Variants in PPARD observed in about 807,000 individuals in gnomAD.
PPARD encodes peroxisome proliferator-activated receptor delta.
Under a neutral mutation model 39.5 loss-of-function variants are expected in PPARD, and 6 were observed. The ratio of observed to expected loss-of-function variants is 0.15; its 90% CI spans 0.08 to 0.30. The LOEUF (loss-of-function observed/expected upper bound fraction) is 0.30, where lower values mean the gene tolerates loss of function less well. Ranked by LOEUF, PPARD falls within the 10% of genes least tolerant of loss-of-function variation. The pLI, the probability that PPARD is intolerant of heterozygous loss-of-function variation, is 1.00. For missense variants in PPARD, 397 were observed against 596.8 expected, an observed-to-expected ratio of 0.67 and a Z score of 3.49; for synonymous variants, 210 against 231.3, an observed-to-expected ratio of 0.91 and a Z score of 0.83.
intron 2 of PPARD, among the ~76,000 whole-genome samples, chr6:35,351,861 CTTTTTTTTTTTTTT>C (rs774957372): frequency 2.3e-5 from 2 of 87,366 alleles, no homozygotes; most frequent in African/African-American, 5.6e-5. Context: ...CACACCCAGC[CTTTTTTTTTTTTTT>C]TTTTTTTTTT....
rs550395452 is a variant in PPARD at position 35,419,466 on chromosome 6, C to T, written c.131-661C>T. Among the ~76,000 whole-genome samples, 5 of 152,298 alleles carry T rather than the reference C, an allele frequency of 3.3e-5. No individual in the cohort carries two copies. The South Asian group carries it at 8.3e-4, about 25-fold the overall frequency. ...ACACCCCGTGGTTCAAACATCTATA[C>T]GTCTGATAGAAAAACTTGGAGAAAT... is the stretch of plus-strand genomic sequence containing the variant. On this transcript the variant is annotated intron_variant, in intron 3 of 7. Transcript: ENST00000360694.
intron 2 of PPARD, among the ~76,000 whole-genome samples, chr6:35,374,502 T>TG (rs1318200537): frequency 5.2e-4 from 79 of 151,022 alleles, no homozygotes; most frequent in African/African-American, 1.7e-3. Flanking sequence ...CTAAAAAATA[T>TG]AAAAAATTAG....
chr6:35,397,827 C>T (rs1000080536), intron 2 of PPARD, among the ~76,000 whole-genome samples: 3 of 152,180 alleles, frequency 2.0e-5, no homozygotes, highest in Non-Finnish European at 2.9e-5. Context: ...GGGTGGACTA[C>T]GCATATTTGA....
intron 2 of PPARD, among the ~76,000 whole-genome samples, chr6:35,355,598 CT>C (rs1166499750): frequency 0.012 from 414 of 33,464 alleles, no homozygotes; most frequent in Non-Finnish European, 0.014. Context: ...TCTTCTTCTT[CT>C]TTTTTTTTTT....
At chr6:35,380,479 T>TG (rs1562190368) in intron 2 of PPARD, among the ~76,000 whole-genome samples, 16 of 94,408 alleles carry the variant, frequency 1.7e-4, no homozygotes, top group East Asian at 7.0e-4. Flanking sequence ...TTTGTTTGTT[T>TG]TTTTTTTTTT....
chr6:35,360,479 A>G (rs952511596), intron 2 of PPARD, among the ~76,000 whole-genome samples: 1 of 152,176 alleles, frequency 6.6e-6, no homozygotes, highest in African/African-American at 2.4e-5. Flanking sequence ...AAGGTGTAGG[A>G]TCAGAGAGGT....
intron 3 of PPARD, among the ~76,000 whole-genome samples, chr6:35,414,156 A>G (rs1248109991): frequency 2.0e-5 from 3 of 152,176 alleles, no homozygotes; most frequent in South Asian, 2.1e-4. Context: ...TGGTAGAGCC[A>G]TATGGTGGAA....
intron 2 of PPARD, among the ~76,000 whole-genome samples, chr6:35,372,669 A>G (rs1247511717): frequency 6.6e-6 from 1 of 152,222 alleles, no homozygotes; most frequent in Non-Finnish European, 1.5e-5. Context: ...GGCTAAGACA[A>G]TGGATTACAG....
chr6:35,407,500 T>C (rs1430185158), intron 2 of PPARD, among the ~76,000 whole-genome samples: 1 of 152,022 alleles, frequency 6.6e-6, no homozygotes, highest in Non-Finnish European at 1.5e-5. Context: ...GCTTTCAATC[T>C]GGTGGAGCAT....
intron 2 of PPARD, among the ~76,000 whole-genome samples, chr6:35,359,051 A>T (rs890870251): frequency 1.3e-5 from 2 of 152,184 alleles, no homozygotes; most frequent in African/African-American, 4.8e-5. Context: ...TTTAAGTGGA[A>T]AGAGGAGAGT....
rs1388342390 is a variant in PPARD at position 35,424,590 on chromosome 6, A to G, written c.889A>G (p.Ile297Val). 1.2e-6 allele frequency: 2 copies of G among 1,614,128 alleles called. No homozygotes were observed. The highest frequency in any genetic ancestry group is 1.7e-6 in the Non-Finnish European group (2 of 1,180,052). ...GGCCATCTTCGCCATGCTGGCCTCTATCGTCAACAAGGACGGGCTGCTGGT... is the reference window on the plus strand; with the variant it reads ...GGCCATCTTCGCCATGCTGGCCTCTGTCGTCAACAAGGACGGGCTGCTGGT... Reference protein sequence around the residue: ...HEAIFAMLASIVNKDGLLVAN... With the variant: ...HEAIFAMLASVVNKDGLLVAN... The change falls in exon 7 of 8, where the codon ATC (isoleucine) becomes GTC (valine). Residue 297 changes from isoleucine to valine, a missense_variant. Transcript: ENST00000360694. This position sits in a 1 kb window ranked among gnomAD's most constrained non-coding sequence, Gnocchi z 7.1.
rs1766059229 is a variant in PPARD, at chr6:35,420,278, C to T, written c.282C>T (p.Cys94=). ...ACGGTGTTCATGCATGTGAGGGGTG[C>T]AAGGTACGGACTGGGGGGAGCGGTG... The part of the protein sequence containing the change: ...FHYGVHACEG[C]KGFFRRTIRM... The change falls in exon 4 of 8, where the codon TGC becomes TGT. Residue 94 remains cysteine (C), a synonymous_variant. Coordinates refer to ENST00000360694, the MANE Select transcript of PPARD (RefSeq NM_006238.5). The T allele has an allele frequency of 6.4e-7, 1 of 1,569,454 alleles. No individual in the cohort carries two copies. Among genetic ancestry groups the T allele is most frequent in the Non-Finnish European group, 8.6e-7 (1 of 1,156,408 alleles).
chr6:35,403,779 G>A (rs1309908020), intron 2 of PPARD, among the ~76,000 whole-genome samples: 2 of 151,714 alleles, frequency 1.3e-5, no homozygotes, highest in African/African-American at 4.9e-5. Flanking sequence ...AGAGCTTCCC[G>A]GAAGAGGAGG....
In PPARD at chr6:35,426,366, C is replaced by T; in HGVS notation, c.*287C>T. Reference sequence around the variant, plus strand: ...TCCTTTCTGTAGGTTTCTCTCTTCCCTTCTCCCTTGCCCTCCCTTTCTCTC... The same window carrying T: ...TCCTTTCTGTAGGTTTCTCTCTTCCTTTCTCCCTTGCCCTCCCTTTCTCTC... On this transcript the variant is annotated 3_prime_UTR_variant, in exon 8 of 8. Transcript: ENST00000360694. 1 of 488,222 alleles carries T rather than the reference C, an allele frequency of 2.0e-6. No homozygotes were observed. The highest frequency in any genetic ancestry group is 3.7e-6 in the Non-Finnish European group (1 of 271,330). The allele number at this position is 488,222 out of a possible 1,614,324, so 30.2% of individuals were successfully genotyped here.
At chr6:35,353,268 T>G (rs1761368941) in intron 2 of PPARD, among the ~76,000 whole-genome samples, 1 of 152,060 alleles carries the variant, frequency 6.6e-6, no homozygotes. Flanking sequence ...AGATTAGGAA[T>G]GGAGATAGAG....
chr6:35,416,060 G>T (rs1256676904), intron 3 of PPARD, among the ~76,000 whole-genome samples: 4 of 152,046 alleles, frequency 2.6e-5, no homozygotes, highest in Admixed American at 1.3e-4. Flanking sequence ...AAAGTCTTCT[G>T]ATTTAAATGT....
At position 35,412,404 on chromosome 6, in the gene PPARD, T is replaced by C. The variant is rs530561507; in HGVS notation, c.130+1187T>C. ...TGCTGCTTTCAGCTGCAGGAGATCC[T>C]AGCCACAGGCGGTGACTCAGGCAGA... is the stretch of plus-strand genomic sequence containing the variant. On this transcript the variant is annotated intron_variant, in intron 3 of 7. Coordinates refer to ENST00000360694, the MANE Select transcript of PPARD (RefSeq NM_006238.5). This position sits in a 1 kb window ranked among gnomAD's most constrained non-coding sequence, Gnocchi z 4.1. Among the ~76,000 whole-genome samples, 1 of 152,212 alleles carries C rather than the reference T, an allele frequency of 6.6e-6. No individual in the cohort carries two copies. Among genetic ancestry groups the C allele is most frequent in the South Asian group, 2.1e-4 (1 of 4,834 alleles).
intron 2 of PPARD, among the ~76,000 whole-genome samples, chr6:35,376,042 T>C (rs1361424284): frequency 1.3e-5 from 2 of 152,228 alleles, no homozygotes; most frequent in African/African-American, 4.8e-5. Flanking sequence ...GTGGATTTGT[T>C]CTCCATCTTC....
intron 3 of PPARD, among the ~76,000 whole-genome samples, chr6:35,413,036 G>T (rs558651164): frequency 6.6e-6 from 1 of 152,216 alleles, no homozygotes; most frequent in East Asian, 1.9e-4. Context: ...TGGCTATGCC[G>T]CCTGCCGTGG....
Sources: gnomAD v4.1 joint callset for allele counts (sites outside exome capture counted in the v4.1 genomes callset) on GRCh38, gnomAD v4.1.1 for gene constraint, Gnocchi (gnomAD v3.1) non-coding constraint, MANE v1.5 for transcripts, NCBI Gene and HGNC (gene_info 2026-07-23, HGNC 2026-07-21) for gene names.